Variants in TIE1 observed in about 807,000 individuals in gnomAD.
TIE1 encodes tyrosine-protein kinase receptor Tie-1.
In TIE1, 89 loss-of-function variants were observed where a neutral mutation model predicts 130.5. The ratio of observed to expected loss-of-function variants is 0.68; its 90% CI spans 0.57 to 0.81. TIE1 has a LOEUF of 0.81. TIE1 is among the 40% of genes least tolerant of loss of function. The probability of loss-of-function intolerance (pLI) is 0.00; values close to 1 mark genes in which losing one functional copy is unlikely to be tolerated. For synonymous variants in TIE1, 568 were observed against 629.4 expected (o/e 0.90, Z 1.46); for missense variants, 1,392 against 1,559.8 (o/e 0.89, Z 1.81).
rs1336386402 is a variant in TIE1, at chr1:43,316,043, AG to A, written c.2410-1155del. Among the ~76,000 whole-genome samples, 1 of 152,196 alleles carries A rather than the reference AG, an allele frequency of 6.6e-6. No individual in the cohort carries two copies. Among genetic ancestry groups the A allele is most frequent in the Non-Finnish European group, 1.5e-5 (1 of 68,048 alleles). On this transcript the variant is annotated intron_variant, in intron 14 of 22. Transcript: ENST00000372476. The surrounding 1 kb of genome is among the most constrained non-coding windows in gnomAD (Gnocchi z 4.4). ...CATTGCCCTTCCGCCTGGGCAACAG[AG>A]CGAGACCTTGTCTCAAAACAAACAA...
At position 43,313,379 on chromosome 1, in the gene TIE1, G is replaced by T; in HGVS notation, c.2172G>T (p.Gly724=). 1 of 1,614,054 alleles carries T rather than the reference G, an allele frequency of 6.2e-7. No individual in the cohort carries two copies. Among genetic ancestry groups the T allele is most frequent in the Non-Finnish European group, 8.5e-7 (1 of 1,179,970 alleles). Residue 724 remains glycine (G), a synonymous_variant, in exon 13 of 23, where the codon GGG becomes GGT. Coordinates refer to ENST00000372476, the MANE Select transcript of TIE1 (RefSeq NM_005424.5). The surrounding 1 kb of genome is among the most constrained non-coding windows in gnomAD (Gnocchi z 6.2). ...TCCGCATGCGGGCCAGCATTCAGGG[G>T]CTCGGGGACTGGAGCAACACAGTAG... ...YLFRMRASIQ[G]LGDWSNTVEE... is the part of the protein sequence containing the mutation.
In TIE1 at chr1:43,312,601, G is replaced by T; in HGVS notation, c.1927G>T (p.Gly643Trp). ...PPAHVLLPPS[G>W]PPAPRHLHAQ... ...TGCACACGTGCTTCTGCCCCCCAGTGGTATGTGCAAGGCGCAAGGATAGCT... is the reference window on the plus strand; with the variant it reads ...TGCACACGTGCTTCTGCCCCCCAGTTGTATGTGCAAGGCGCAAGGATAGCT... The change falls in exon 12 of 23, where the codon GGG becomes TGG. Residue 643 changes from glycine to tryptophan, a missense_variant and splice_region_variant. Transcript: ENST00000372476. The surrounding 1 kb of genome is among the most constrained non-coding windows in gnomAD (Gnocchi z 5.6). The T allele has an allele frequency of 6.2e-7, 1 of 1,600,688 alleles. No individual in the cohort carries two copies.
intron 7 of TIE1, 114 bp from the exon 8 acceptor site, chr1:43,308,872 C>A: frequency 6.9e-7 from 1 of 1,442,234 alleles, no homozygotes; most frequent in Non-Finnish European, 9.7e-7. Context: ...GGTTTTCAGG[C>A]TGGAGGGACT....
rs542601713 is a variant in TIE1 at position 43,313,485 on chromosome 1, C to G, written c.2218+60C>G. On this transcript the variant is annotated intron_variant, in intron 13 of 22. Coordinates refer to ENST00000372476, the MANE Select transcript of TIE1 (RefSeq NM_005424.5). This position sits in a 1 kb window ranked among gnomAD's most constrained non-coding sequence, Gnocchi z 6.2. The stretch of plus-strand genomic sequence containing the variant: ...CTGAGCGGGGAGAGCTCAGCACGCT[C>G]TCCTTCCACATCACCCCCTACTGTG... The G allele has an allele frequency of 4.4e-6, 7 of 1,584,500 alleles. No individual in the cohort carries two copies. The Admixed American group carries it at 5.1e-5, about 11-fold the overall frequency.
At chr1:43,303,924 C>T (rs1184447924) in intron 1 of TIE1, among the ~76,000 whole-genome samples, 1 of 152,292 alleles carries the variant, frequency 6.6e-6, no homozygotes, top group East Asian at 1.9e-4. Context: ...AAAAGCACAG[C>T]GCCCTACATT....
At chr1:43,321,159 G>C in intron 19 of TIE1, 110 bp from the exon 20 acceptor site, 1 of 1,143,226 alleles carries the variant, frequency 8.7e-7, no homozygotes, top group Non-Finnish European at 1.3e-6. Flanking sequence ...TACTTACAGA[G>C]TAGACACATA....
chr1:43,321,032 C>CAAAA (rs752698629), intron 19 of TIE1, among the ~76,000 whole-genome samples: 14 of 97,360 alleles, frequency 1.4e-4, no homozygotes, highest in African/African-American at 3.3e-4. Context: ...GACCCTGTCT[C>CAAAA]AAAAAAAAAA....
Position 43,313,813 on chromosome 1 carries a change from G to C in TIE1, c.2254G>C (p.Ala752Pro). Residue 752 changes from alanine to proline, a missense_variant, in exon 14 of 23, where the codon GCA becomes CCA. Around this residue, in one of 6 missense-constraint regions of TIE1, gnomAD observed 551 missense variants for 565.5 expected, o/e 0.97. Coordinates refer to ENST00000372476, the MANE Select transcript of TIE1 (RefSeq NM_005424.5). The surrounding 1 kb of genome is among the most constrained non-coding windows in gnomAD (Gnocchi z 6.2). Reference protein sequence around the residue: ...QAEGPVQESRAAEEGLDQQLI... With the variant: ...QAEGPVQESRPAEEGLDQQLI... ...TGAGGGCCCAGTCCAAGAGAGCCGGGCAGCTGAAGAGGGCCTGGATCAGCA... is the reference window on the plus strand; with the variant it reads ...TGAGGGCCCAGTCCAAGAGAGCCGGCCAGCTGAAGAGGGCCTGGATCAGCA... 6.2e-7 allele frequency: 1 copy of C among 1,613,812 alleles called. No individual in the cohort carries two copies. The highest frequency in any genetic ancestry group is 1.1e-5 in the South Asian group (1 of 91,046).
At position 43,313,728 on chromosome 1, in the gene TIE1, G is replaced by A; in HGVS notation, c.2219-50G>A. 6.4e-7 allele frequency: 1 copy of A among 1,554,662 alleles called. No individual in the cohort carries two copies. Among genetic ancestry groups the A allele is most frequent in the Admixed American group, 1.8e-5 (1 of 54,324 alleles). Reference sequence around the variant, plus strand: ...CTGTGTAACCCCATGGTGGCCTCTGGGTTCCCTGACCCAGGTGTCCCCACA... The same window carrying A: ...CTGTGTAACCCCATGGTGGCCTCTGAGTTCCCTGACCCAGGTGTCCCCACA... On this transcript the variant is annotated intron_variant, in intron 13 of 22. Transcript: ENST00000372476. The surrounding 1 kb of genome is among the most constrained non-coding windows in gnomAD (Gnocchi z 6.2).
intron 19 of TIE1, 86 bp from the exon 20 acceptor site, chr1:43,321,183 A>C: frequency 4.3e-6 from 6 of 1,386,972 alleles, no homozygotes; most frequent in Non-Finnish European, 6.2e-6. Context: ...CGGGGCTGGG[A>C]GGCACTGCAC....
intron 7 of TIE1, 99 bp downstream of exon 7, chr1:43,308,023 G>A: frequency 6.5e-7 from 1 of 1,529,104 alleles, no homozygotes. Context: ...TTCCCTACGA[G>A]GGTCCAAGTC....
rs749033729 is a variant in TIE1 at position 43,313,160 on chromosome 1, C to T, written c.1953C>T (p.His651=). The T allele has an allele frequency of 3.9e-5, 62 of 1,610,302 alleles. No homozygotes were observed. The highest frequency in any genetic ancestry group is 1.2e-4 in the African/African-American group (9 of 74,848). Residue 651 remains histidine (H), a synonymous_variant, in exon 13 of 23, where the codon CAC becomes CAT. Coordinates refer to ENST00000372476, the MANE Select transcript of TIE1 (RefSeq NM_005424.5). The surrounding 1 kb of genome is among the most constrained non-coding windows in gnomAD (Gnocchi z 6.2). The stretch of plus-strand genomic sequence containing the variant: ...GGCCTCCAGCCCCCCGACACCTCCA[C>T]GCCCAGGCCCTCTCAGACTCCGAGA... ...PSGPPAPRHL[H]AQALSDSEIQ...
chr1:43,322,873 G>A lies in TIE1; in HGVS notation c.*151G>A. 1 of 664,902 alleles carries A rather than the reference G, an allele frequency of 1.5e-6. No homozygotes were observed. Among genetic ancestry groups the A allele is most frequent in the Non-Finnish European group, 2.6e-6 (1 of 391,316 alleles). The allele number at this position is 664,902 out of a possible 1,614,324, so 41.2% of individuals were successfully genotyped here. On this transcript the variant is annotated 3_prime_UTR_variant, in exon 23 of 23. Transcript: ENST00000372476. The surrounding 1 kb of genome is among the most constrained non-coding windows in gnomAD (Gnocchi z 4.0). ...AAAAAAAGGGATCTGGGGATGGGGT[G>A]GGCTTAGGGGAACTGGGTTCCCATG...
chr1:43,308,996 C>T lies in TIE1; in HGVS notation c.1053C>T (p.Pro351=). Residue 351 remains proline, a synonymous_variant, in exon 8 of 23, where the codon CCC becomes CCT. Coordinates refer to ENST00000372476, the MANE Select transcript of TIE1 (RefSeq NM_005424.5). ...GVHCEKSDRI[P]QILNMASELE... ...GTCCTTTCTCCCCAGACCGGATCCC[C>T]CAGATCCTCAACATGGCCTCAGAAC... The T allele has an allele frequency of 3.7e-6, 6 of 1,614,010 alleles. No homozygotes were observed. The highest frequency in any genetic ancestry group is 5.1e-6 in the Non-Finnish European group (6 of 1,179,970).
In TIE1 at chr1:43,313,251, C is replaced by T. The variant is rs757052318; in HGVS notation, c.2044C>T (p.Gln682Ter). ...AATATCCAAGTACGTTGTGGAGGTG[C>T]AGGTGGCTGGGGGTGCAGGAGACCC... ...GPISKYVVEV[Q>*]VAGGAGDPLW... The change falls in exon 13 of 23, where the codon CAG (glutamine) becomes TAG (stop). Residue 682 changes from glutamine to a stop codon, truncating the protein, a stop_gained. Coordinates refer to ENST00000372476, the MANE Select transcript of TIE1 (RefSeq NM_005424.5). LOFTEE classifies it high-confidence loss of function. The surrounding 1 kb of genome is among the most constrained non-coding windows in gnomAD (Gnocchi z 6.2). 1.1e-5 allele frequency: 17 copies of T among 1,613,902 alleles called. No individual in the cohort carries two copies. Among genetic ancestry groups the T allele is most frequent in the Non-Finnish European group, 1.4e-5 (16 of 1,179,938 alleles).
intron 7 of TIE1, among the ~76,000 whole-genome samples, chr1:43,308,128 G>A (rs1646749722): frequency 6.6e-6 from 1 of 152,226 alleles, no homozygotes; most frequent in Admixed American, 6.5e-5. Flanking sequence ...AGTCCAGCAA[G>A]GAGCTCACTG....
chr1:43,310,859 T>A (rs1234613092), intron 9 of TIE1, among the ~76,000 whole-genome samples: 1 of 152,182 alleles, frequency 6.6e-6, no homozygotes, highest in Non-Finnish European at 1.5e-5. Flanking sequence ...CTCCCTCAGC[T>A]TACAGCGCGG....
In TIE1 at chr1:43,307,092, C is replaced by T; in HGVS notation, c.641-50C>T. On this transcript the variant is annotated intron_variant, in intron 4 of 22. Coordinates refer to ENST00000372476, the MANE Select transcript of TIE1 (RefSeq NM_005424.5). This position sits in a 1 kb window ranked among gnomAD's most constrained non-coding sequence, Gnocchi z 5.4. Reference sequence around the variant, plus strand: ...CCCTGGAGCCCCTGGATCTCCAGTCCTCAGTGGTCAGGTGGGTGAGGGTCA... The same window carrying T: ...CCCTGGAGCCCCTGGATCTCCAGTCTTCAGTGGTCAGGTGGGTGAGGGTCA... 3.7e-6 allele frequency: 6 copies of T among 1,613,486 alleles called. No individual in the cohort carries two copies. Among genetic ancestry groups the T allele is most frequent in the Non-Finnish European group, 2.5e-6 (3 of 1,179,846 alleles).
Position 43,315,758 on chromosome 1 carries a change from G to C in TIE1, c.2410-1441G>C, listed in dbSNP as rs1385393257. ...GCACACAGAAAGCCCTCACTGCTGT[G>C]GTGGGGGAGGGTAATGGGTACAGAT... On this transcript the variant is annotated intron_variant, in intron 14 of 22. Transcript: ENST00000372476. The surrounding 1 kb of genome is among the most constrained non-coding windows in gnomAD (Gnocchi z 4.4). Among the ~76,000 whole-genome samples the C allele has an allele frequency of 1.3e-5, 2 of 152,152 alleles. No homozygotes were observed. Among genetic ancestry groups the C allele is most frequent in the East Asian group, 3.8e-4 (2 of 5,202 alleles).
Sources: allele counts gnomAD v4.1 joint callset (sites outside exome capture counted in the v4.1 genomes callset), GRCh38; gene constraint gnomAD v4.1.1; regional missense constraint gnomAD v4.1.1; non-coding constraint Gnocchi (gnomAD v3.1); transcripts MANE v1.5; gene names NCBI Gene and HGNC (gene_info 2026-07-23, HGNC 2026-07-21).